Variants in SON observed in about 807,000 individuals in gnomAD.
SON encodes SON DNA and RNA binding protein.
Under a neutral mutation model 173.3 loss-of-function variants are expected in SON, and 4 were observed. The observed-to-expected ratio is 0.02, with a 90% CI of 0.01 to 0.05. The LOEUF (loss-of-function observed/expected upper bound fraction) is 0.05. SON is among the 10% of genes least tolerant of loss of function. SON has a pLI of 1.00. For synonymous variants in SON, 1,190 were observed against 1,105.9 expected, an observed-to-expected ratio of 1.08 and a Z score of -1.51; for missense variants, 2,626 against 3,055.3, an observed-to-expected ratio of 0.86 and a Z score of 3.31.
rs1214273516 is a variant in SON at position 33,576,827 on chromosome 21, A to G, written c.*403A>G. 4 of 330,942 alleles carry G rather than the reference A, an allele frequency of 1.2e-5. No homozygotes were observed. Among genetic ancestry groups the G allele is most frequent in the East Asian group, 7.4e-5 (1 of 13,536 alleles). 20.5% of individuals were successfully genotyped at this position (330,942 alleles called of 1,614,324 possible). A position where few individuals can be genotyped will look rare whatever the true frequency, so the allele number is the denominator to read the frequency against. On this transcript the variant is annotated 3_prime_UTR_variant, in exon 12 of 12. Coordinates refer to ENST00000356577, the MANE Select transcript of SON (RefSeq NM_138927.4). ...CCAAACGACTGTTTGAAGGCATCAG[A>G]GTAATCTTCAGTGTGGAATGTTAAA...
chr21:33,573,824 T>A (rs1269734566), intron 9 of SON, among the ~76,000 whole-genome samples: 1 of 152,184 alleles, frequency 6.6e-6, no homozygotes, highest in Non-Finnish European at 1.5e-5. Flanking sequence ...TTAGTTTATT[T>A]TTTGTTAGAT....
intron 8 of SON, chr21:33,571,803 T>TA: frequency 6.6e-6 from 1 of 152,594 alleles, no homozygotes; most frequent in Non-Finnish European, 1.5e-5. Flanking sequence ...GTAAAAGACA[T>TA]TCTAGGTGTG....
intron 3 of SON, among the ~76,000 whole-genome samples, chr21:33,556,483 C>CAGGTGGAT (rs2085968367): frequency 1.3e-5 from 2 of 152,086 alleles, no homozygotes; most frequent in Admixed American, 6.5e-5. Context: ...GAGGCCGAGG[C>CAGGTGGAT]AGGTGGATCA....
chr21:33,550,926 G>A lies in SON; in HGVS notation c.1695G>A (p.Ser565=), dbSNP rs146602176. The change falls in exon 3 of 12, where the codon TCG becomes TCA. Residue 565 remains serine, a synonymous_variant. Transcript: ENST00000356577. ...TTALELPGQP[S]VTGVPELPGL... ...CGCTGGAGTTGCCGGGGCAGCCTTC[G>A]GTGACTGGGGTGCCAGAGTTGCCAG... The A allele has an allele frequency of 2.3e-5, 37 of 1,606,878 alleles. No individual in the cohort carries two copies. The highest frequency in any genetic ancestry group is 3.3e-5 in the Admixed American group (2 of 59,780).
chr21:33,553,999 G>A lies in SON; in HGVS notation c.4768G>A (p.Gly1590Arg). Residue 1590 changes from glycine (G) to arginine (R), a missense_variant, in exon 3 of 12, where the codon GGA (glycine) becomes AGA (arginine). Around this residue, in one of 13 missense-constraint regions of SON, gnomAD observed 1,006 missense variants for 895.6 expected, o/e 1.12. Transcript: ENST00000356577. ...CCCTGGTGTTAGTGAAGCTGATGCA[G>A]GAGAAACTCTATCTTCTACTGGTCC... Reference protein sequence around the residue: ...TYPGVSEADAGETLSSTGPFA... With the variant: ...TYPGVSEADARETLSSTGPFA... 2 of 1,614,150 alleles carry A rather than the reference G, an allele frequency of 1.2e-6. No individual in the cohort carries two copies. The highest frequency in any genetic ancestry group is 2.2e-5 in the South Asian group (2 of 91,078).
intron 1 of SON, among the ~76,000 whole-genome samples, chr21:33,545,290 A>G (rs935381421): frequency 1.3e-5 from 2 of 152,216 alleles, no homozygotes; most frequent in Non-Finnish European, 2.9e-5. Flanking sequence ...AACTATAATT[A>G]TACAATTCAT....
intron 1 of SON, chr21:33,543,550 C>G (rs1223986264): frequency 3.9e-6 from 1 of 253,550 alleles, no homozygotes; most frequent in African/African-American, 2.3e-5. Context: ...CTCTCGCCTC[C>G]GCGGATTTTG....
rs766061390 is a variant in SON at position 33,551,823 on chromosome 21, G to C, written c.2592G>C (p.Gln864His). ...TAGCAACTAGCTCAATGGATTCCCA[G>C]ATGTTAGCATCTGGCACTATGGACT... Reference protein sequence around the residue: ...QMLATSSMDSQMLASGTMDSQ... With the variant: ...QMLATSSMDSHMLASGTMDSQ... The change falls in exon 3 of 12, where the codon CAG (glutamine) becomes CAC (histidine). Residue 864 changes from glutamine (Q) to histidine (H), a missense_variant. By Grantham distance (24) the Gln-to-His change is conservative. This residue lies in a region of SON where 366 missense variants were observed against 448.6 expected (regional missense o/e 0.82). Transcript: ENST00000356577. The C allele has an allele frequency of 1.1e-5, 17 of 1,613,664 alleles. No individual in the cohort carries two copies. Among genetic ancestry groups the C allele is most frequent in the Admixed American group, 1.7e-5 (1 of 60,014 alleles).
rs1262774254 is a variant in SON, at chr21:33,550,986, G to A, written c.1755G>A (p.Ser585=). 3.7e-6 allele frequency: 6 copies of A among 1,604,576 alleles called. No homozygotes were observed. Among genetic ancestry groups the A allele is most frequent in the African/African-American group, 2.7e-5 (2 of 74,586 alleles). ...LPSATRALEL[S]GQPVATGALE... ...CGGCAACTAGGGCACTGGAGTTGTC[G>A]GGGCAGCCTGTGGCAACTGGGGCAC... Residue 585 remains serine (S), a synonymous_variant, in exon 3 of 12, where the codon TCG becomes TCA. Transcript: ENST00000356577.
Position 33,543,136 on chromosome 21 carries a change from G to C in SON, c.44G>C (p.Ser15Thr). Residue 15 changes from serine to threonine, a missense_variant, in exon 1 of 12, where the codon AGT becomes ACT. Ser to Thr is a moderately conservative substitution (Grantham distance 58, BLOSUM62 1). Around this residue, in one of 13 missense-constraint regions of SON, gnomAD observed 757 missense variants for 730.1 expected, o/e 1.04. Transcript: ENST00000356577. Reference protein sequence around the residue: ...IEQIFRSFVVSKFREIQQELS... With the variant: ...IEQIFRSFVVTKFREIQQELS... ...CAGATTTTTAGGTCTTTCGTGGTCA[G>C]TAAATTCCGGGAAATTCAACAGGAG... 1 of 1,614,258 alleles carries C rather than the reference G, an allele frequency of 6.2e-7. No homozygotes were observed. Among genetic ancestry groups the C allele is most frequent in the Non-Finnish European group, 8.5e-7 (1 of 1,180,034 alleles).
intron 3 of SON, 27 bp downstream of exon 3, chr21:33,555,418 T>A: frequency 6.7e-7 from 1 of 1,486,184 alleles, no homozygotes; most frequent in Non-Finnish European, 9.0e-7. Flanking sequence ...TTTAATGGGA[T>A]GGTAGTAGAA....
At chr21:33,562,030 A>G (rs2086079463) in intron 6 of SON, among the ~76,000 whole-genome samples, 1 of 152,172 alleles carries the variant, frequency 6.6e-6, no homozygotes, top group Admixed American at 6.5e-5. Context: ...AGAGAATCCC[A>G]AAATACAAGG....
intron 9 of SON, among the ~76,000 whole-genome samples, chr21:33,573,973 C>T (rs1260372399): frequency 6.6e-6 from 1 of 152,132 alleles, no homozygotes; most frequent in Non-Finnish European, 1.5e-5. Flanking sequence ...AATAATGTTA[C>T]TTCTTCCTGT....
At position 33,551,916 on chromosome 21, in the gene SON, G is replaced by C; in HGVS notation, c.2685G>C (p.Met895Ile). ...MLASGTMDAQMLASSTQDSAM... is the reference protein window; with the variant it reads ...MLASGTMDAQILASSTQDSAM... ...CGTCTGGTACCATGGATGCCCAGAT[G>C]TTAGCGTCTAGTACCCAAGATTCTG... Residue 895 changes from methionine to isoleucine, a missense_variant, in exon 3 of 12, where the codon ATG (methionine) becomes ATC (isoleucine). Physicochemically the swap from Met to Ile is conservative, Grantham distance 10 (BLOSUM62 1). Around this residue, in one of 13 missense-constraint regions of SON, gnomAD observed 366 missense variants for 448.6 expected, o/e 0.82. Coordinates refer to ENST00000356577, the MANE Select transcript of SON (RefSeq NM_138927.4). 6.2e-7 allele frequency: 1 copy of C among 1,614,128 alleles called. No individual in the cohort carries two copies. The highest frequency in any genetic ancestry group is 8.5e-7 in the Non-Finnish European group (1 of 1,179,994).
Position 33,555,295 on chromosome 21 carries a change from A to T in SON, c.6064A>T (p.Thr2022Ser), listed in dbSNP as rs2085944235. ...ISPVRLRRSR[T>S]PLRRRFSRSP... ...ACCAGTCAGATTAAGGCGATCAAGA[A>T]CACCCTTAAGAAGAAGGTTTAGCAG... The change falls in exon 3 of 12, where the codon ACA becomes TCA. Residue 2022 changes from threonine to serine, a missense_variant. By Grantham distance (58) the Thr-to-Ser change is moderately conservative (BLOSUM62 1). This residue lies in a region of SON where 138 missense variants were observed against 222.9 expected (regional missense o/e 0.62). Coordinates refer to ENST00000356577, the MANE Select transcript of SON (RefSeq NM_138927.4). 6.2e-7 allele frequency: 1 copy of T among 1,611,642 alleles called. No homozygotes were observed. Among genetic ancestry groups the T allele is most frequent in the African/African-American group, 1.3e-5 (1 of 74,720 alleles).
chr21:33,545,882 G>A (rs920433678), intron 1 of SON, among the ~76,000 whole-genome samples: 1 of 152,124 alleles, frequency 6.6e-6, no homozygotes, highest in Non-Finnish European at 1.5e-5. Context: ...TTGTGACCGG[G>A]CTCTTATTAA....
At chr21:33,572,165 T>C (rs925047745) in intron 8 of SON, 2 of 133,360 alleles carry the variant, frequency 1.5e-5, no homozygotes, top group African/African-American at 5.6e-5. Context: ...TTAATGACTT[T>C]TGCTATATTA....
chr21:33,544,125 A>G (rs1316651722), intron 1 of SON, among the ~76,000 whole-genome samples: 1 of 152,250 alleles, frequency 6.6e-6, no homozygotes, highest in African/African-American at 2.4e-5. Context: ...TTTTAATTGT[A>G]TTTTAAAAGT....
intron 1 of SON, among the ~76,000 whole-genome samples, chr21:33,544,807 ATTAC>A (rs1352077247): frequency 3.3e-5 from 5 of 152,220 alleles, no homozygotes; most frequent in African/African-American, 1.2e-4. Context: ...TAAAACCATA[ATTAC>A]TTTTCTGATT....
Sources: allele counts gnomAD v4.1 joint callset (sites outside exome capture counted in the v4.1 genomes callset), GRCh38; gene constraint gnomAD v4.1.1; regional missense constraint gnomAD v4.1.1; transcripts MANE v1.5; gene names NCBI Gene and HGNC (gene_info 2026-07-23, HGNC 2026-07-21).